The following CCNY variants were observed in gnomAD, a reference collection of about 807,000 sequenced individuals.
CCNY encodes cyclin-Y.
Under a neutral mutation model 42.8 loss-of-function variants are expected in CCNY, and 19 were observed. The ratio of observed to expected loss-of-function variants is 0.44; its 90% CI spans 0.31 to 0.65. The LOEUF (loss-of-function observed/expected upper bound fraction) is 0.65. CCNY is among the 30% of genes least tolerant of loss of function. The pLI is 0.07. For missense variants in CCNY, 370 were observed against 437.3 expected (o/e 0.85, Z 1.37); for synonymous variants, 165 against 162.7 (o/e 1.01, Z -0.11).
At chr10:35,341,555 A>G (rs911458548) in intron 1 of CCNY, among the ~76,000 whole-genome samples, 3 of 152,248 alleles carry the variant, frequency 2.0e-5, no homozygotes, top group Non-Finnish European at 4.4e-5. Flanking sequence ...CTAGAGTAGC[A>G]CCTGATTCCT....
At chr10:35,381,093 A>G (rs1188006760) in intron 1 of CCNY, among the ~76,000 whole-genome samples, 2 of 152,354 alleles carry the variant, frequency 1.3e-5, no homozygotes, top group Non-Finnish European at 2.9e-5. Context: ...AAAAGCATCC[A>G]GAAGTCTGCC....
chr10:35,293,095 G>A (rs1325895596), intron 3 of CCNY, among the ~76,000 whole-genome samples: 1 of 152,026 alleles, frequency 6.6e-6, no homozygotes, highest in Non-Finnish European at 1.5e-5. Context: ...TCCTCTAAGA[G>A]TTTTATAGTT....
Position 35,260,422 on chromosome 10 carries a change from ACTCCC to A in CCNY, c.-9+9807_-9+9811del, listed in dbSNP as rs891079021. Among the ~76,000 whole-genome samples the A allele has an allele frequency of 2.0e-5, 3 of 150,508 alleles. No individual in the cohort carries two copies. In the Admixed American group the frequency reaches 2.0e-4, roughly 10 times the overall value. ...CACCATCATTCCCGTCACTCCCACC[ACTCCC>A]CTCCCCTCCCAGAATTGCAATAGTA... On this transcript the variant is annotated intron_variant, in intron 3 of 11. Transcript: ENST00000374706.
At chr10:35,248,866 C>G (rs547274469) in intron 2 of CCNY, among the ~76,000 whole-genome samples, 2 of 152,166 alleles carry the variant, frequency 1.3e-5, no homozygotes, top group South Asian at 4.2e-4. Flanking sequence ...ATCAAACTAA[C>G]ACTTTGGTTT....
At chr10:35,305,989 AAC>A (rs1387284263) in intron 3 of CCNY, among the ~76,000 whole-genome samples, 5 of 152,218 alleles carry the variant, frequency 3.3e-5, no homozygotes, top group African/African-American at 7.2e-5. Flanking sequence ...CCAGTACAGT[AAC>A]ACATCCTGTG....
chr10:35,335,184 T>C (rs935418252), upstream of CCNY, among the ~76,000 whole-genome samples: 4 of 150,578 alleles, frequency 2.7e-5, no homozygotes, highest in Non-Finnish European at 4.4e-5. Flanking sequence ...AAGTCAGGGA[T>C]GGCTGGCATT....
intron 1 of CCNY, among the ~76,000 whole-genome samples, chr10:35,473,673 T>C (rs908093763): frequency 2.6e-5 from 4 of 152,236 alleles, no homozygotes; most frequent in East Asian, 1.9e-4. Flanking sequence ...CAGCATACTT[T>C]AGCAGTGAAG....
intron 8 of CCNY, among the ~76,000 whole-genome samples, chr10:35,558,949 G>A (rs757670383): frequency 6.6e-6 from 1 of 152,216 alleles, no homozygotes; most frequent in Non-Finnish European, 1.5e-5. Context: ...CTAAAAATGT[G>A]GAAGTGGCTT....
intron 3 of CCNY, among the ~76,000 whole-genome samples, chr10:35,330,723 C>G (rs1411047479): frequency 1.3e-5 from 2 of 151,968 alleles, no homozygotes; most frequent in African/African-American, 4.8e-5. Flanking sequence ...CTATCCTGAC[C>G]ATACTCCAAG....
chr10:35,440,347 C>G (rs1564411786), intron 1 of CCNY, among the ~76,000 whole-genome samples: 1 of 152,220 alleles, frequency 6.6e-6, no homozygotes, highest in East Asian at 1.9e-4. Context: ...CCTGGCCACT[C>G]TGGAGCAGAG....
chr10:35,546,755 T>C (rs1286949966), intron 7 of CCNY, among the ~76,000 whole-genome samples: 1 of 148,096 alleles, frequency 6.8e-6, no homozygotes. Flanking sequence ...TTCATGACTG[T>C]TTGTTTTTTT....
intron 7 of CCNY, among the ~76,000 whole-genome samples, chr10:35,540,714 A>G (rs557957927): frequency 4.6e-5 from 7 of 152,172 alleles, no homozygotes; most frequent in African/African-American, 9.6e-5. Context: ...TTATAGGTCT[A>G]TTCAGGTTAT....
chr10:35,400,961 TAGAGA>T (rs1837630717), intron 1 of CCNY, among the ~76,000 whole-genome samples: 1 of 152,176 alleles, frequency 6.6e-6, no homozygotes, highest in Admixed American at 6.5e-5. Flanking sequence ...TAGAAGGTGG[TAGAGA>T]AGAGAAGAGA....
chr10:35,357,352 G>A (rs1053634812), intron 1 of CCNY, among the ~76,000 whole-genome samples: 24 of 152,268 alleles, frequency 1.6e-4, no homozygotes, highest in African/African-American at 4.6e-4. Flanking sequence ...TGCCCACTAC[G>A]ATGCCTCCAT....
chr10:35,357,153 CAG>C (rs1473730644), intron 1 of CCNY, among the ~76,000 whole-genome samples: 1 of 152,106 alleles, frequency 6.6e-6, no homozygotes, highest in African/African-American at 2.4e-5. Context: ...GAACATAATC[CAG>C]AGAGAGCAGC....
intron 1 of CCNY, among the ~76,000 whole-genome samples, chr10:35,456,631 A>G (rs1282844767): frequency 1.3e-5 from 2 of 152,208 alleles, no homozygotes; most frequent in African/African-American, 4.8e-5. Context: ...TTTTATCATT[A>G]GTTATGCATC....
intron 1 of CCNY, among the ~76,000 whole-genome samples, chr10:35,432,842 C>T (rs1011504989): frequency 3.3e-5 from 5 of 152,206 alleles, no homozygotes; most frequent in African/African-American, 1.2e-4. Context: ...TTTAATTATA[C>T]AGCAAAGGTG....
At chr10:35,418,254 T>C (rs943608696) in intron 1 of CCNY, among the ~76,000 whole-genome samples, 8 of 152,156 alleles carry the variant, frequency 5.3e-5, no homozygotes, top group Non-Finnish European at 1.0e-4. Context: ...AGTGAGCTTT[T>C]TCTACACCAA....
intron 1 of CCNY, among the ~76,000 whole-genome samples, chr10:35,430,152 A>T (rs1838354735): frequency 1.3e-5 from 2 of 151,362 alleles, no homozygotes; most frequent in African/African-American, 4.9e-5. Context: ...CCCGGCTAAA[A>T]CGGTGAAACC....
Sources: allele counts gnomAD v4.1 joint callset (sites outside exome capture counted in the v4.1 genomes callset), GRCh38; gene constraint gnomAD v4.1.1; transcripts MANE v1.5; gene names NCBI Gene and HGNC (gene_info 2026-07-23, HGNC 2026-07-21).